The following CAMK1D variants were observed in gnomAD, a reference collection of about 807,000 sequenced individuals.
CAMK1D encodes calcium/calmodulin-dependent protein kinase type 1D.
CAMK1D carries 9 observed loss-of-function variants against 47.7 expected under a neutral mutation model. The ratio of observed to expected loss-of-function variants is 0.19; its 90% CI spans 0.11 to 0.33. The LOEUF (loss-of-function observed/expected upper bound fraction) is 0.33. Ranked by LOEUF, CAMK1D falls within the 10% of genes least tolerant of loss-of-function variation. The pLI is 1.00. For synonymous variants in CAMK1D, 184 were observed against 184.9 expected (o/e 0.99, Z 0.04); for missense variants, 291 against 488.7 (o/e 0.60, Z 3.81).
At chr10:12,400,091 G>A (rs1291519147) in intron 1 of CAMK1D, among the ~76,000 whole-genome samples, 1 of 152,168 alleles carries the variant, frequency 6.6e-6, no homozygotes, top group Non-Finnish European at 1.5e-5. Flanking sequence ...ATGATGTGAC[G>A]CGATGGGATG....
intron 1 of CAMK1D, among the ~76,000 whole-genome samples, chr10:12,356,191 G>A (rs1047533164): frequency 1.3e-5 from 2 of 151,984 alleles, no homozygotes; most frequent in Non-Finnish European, 2.9e-5. Flanking sequence ...GATTACAGGC[G>A]TGAGCCACCT....
intron 1 of CAMK1D, among the ~76,000 whole-genome samples, chr10:12,358,822 CTG>C (rs1291928507): frequency 6.6e-6 from 1 of 152,116 alleles, no homozygotes; most frequent in African/African-American, 2.4e-5. Context: ...TATACAGTAA[CTG>C]TCATCAAGCT....
At position 12,410,966 on chromosome 10, in the gene CAMK1D, C is replaced by T. The variant is rs1839636024; in HGVS notation, c.92+61056C>T. On this transcript the variant is annotated intron_variant, in intron 1 of 10. Coordinates refer to ENST00000619168, the MANE Select transcript of CAMK1D (RefSeq NM_153498.4). ...GGACTTGTTGGGGTGGTCGTGTGTA[C>T]CAGTGATGTTTCTAGAGAGTGCATG... 3.3e-5 allele frequency among the ~76,000 whole-genome samples: 5 copies of T among 152,112 alleles called. No homozygotes were observed. In the South Asian group the frequency reaches 1.0e-3, roughly 32 times the overall value.
At position 12,791,234 on chromosome 10, in the gene CAMK1D, G is replaced by A; in HGVS notation, c.641+1G>A. 1 of 1,613,956 alleles carries A rather than the reference G, an allele frequency of 6.2e-7. No homozygotes were observed. Among genetic ancestry groups the A allele is most frequent in the Non-Finnish European group, 8.5e-7 (1 of 1,179,846 alleles). On this transcript the variant is annotated splice_donor_variant, in intron 6 of 10. Coordinates refer to ENST00000619168, the MANE Select transcript of CAMK1D (RefSeq NM_153498.4). LOFTEE classifies it high-confidence loss of function. ...CCATCGGAGTGATTGCCTACATCTT[G>A]TAAGTACTGCCTGCTGCCTTGGGTT... is the stretch of plus-strand genomic sequence containing the variant.
rs1262404782 is a variant in CAMK1D at position 12,520,070 on chromosome 10, AC to A, written c.93-33146del. On this transcript the variant is annotated intron_variant, in intron 1 of 10. Coordinates refer to ENST00000619168, the MANE Select transcript of CAMK1D (RefSeq NM_153498.4). Reference sequence around the variant, plus strand: ...GGGCGGCTGGCCGGGTGGGGGGCTGACCCCCCCCCACCTCCCTCCCGGACGG... The same window carrying A: ...GGGCGGCTGGCCGGGTGGGGGGCTGACCCCCCCCACCTCCCTCCCGGACGG... Among the ~76,000 whole-genome samples the A allele has an allele frequency of 8.1e-4, 33 of 40,676 alleles. 5 individuals are homozygous for A. Among genetic ancestry groups the A allele is most frequent in the East Asian group, 4.6e-3 (7 of 1,530 alleles). The allele number at this position is 40,676 out of a possible 152,430, so 26.7% of individuals were successfully genotyped here. A position where few individuals can be genotyped will look rare whatever the true frequency, so the allele number is the denominator to read the frequency against.
intron 2 of CAMK1D, among the ~76,000 whole-genome samples, chr10:12,611,231 C>A (rs1838609719): frequency 6.6e-6 from 1 of 152,058 alleles, no homozygotes; most frequent in South Asian, 2.1e-4. Flanking sequence ...ACCTGGGGAC[C>A]CCATCAAAGT....
At position 12,408,850 on chromosome 10, in the gene CAMK1D, T is replaced by TTC. The variant is rs1297329004; in HGVS notation, c.92+58941_92+58942insCT. Among the ~76,000 whole-genome samples the TTC allele has an allele frequency of 4.3e-5, 4 of 92,358 alleles. No homozygotes were observed. The Admixed American group carries it at 5.4e-4, about 12-fold the overall frequency. 60.6% of individuals were successfully genotyped at this position (92,358 alleles called of 152,430 possible). A position where few individuals can be genotyped will look rare whatever the true frequency, so the allele number is the denominator to read the frequency against. ...TTCGTTCATTTCTTTCTTTCTTTCTTTTTTTTTTTTTTTTTTGTTCTGAGT... is the reference window on the plus strand; with the variant it reads ...TTCGTTCATTTCTTTCTTTCTTTCTTTCTTTTTTTTTTTTTTTTGTTCTGAGT... On this transcript the variant is annotated intron_variant, in intron 1 of 10. Coordinates refer to ENST00000619168, the MANE Select transcript of CAMK1D (RefSeq NM_153498.4).
intron 1 of CAMK1D, among the ~76,000 whole-genome samples, chr10:12,361,786 C>A (rs1016825399): frequency 2.0e-5 from 3 of 151,648 alleles, no homozygotes; most frequent in Admixed American, 6.6e-5. Context: ...GATCTCCTGA[C>A]CTCAAATGAC....
At chr10:12,691,349 CTATATATATATATATATA>C (rs1202030191) in intron 3 of CAMK1D, among the ~76,000 whole-genome samples, 1 of 74,522 alleles carries the variant, frequency 1.3e-5, no homozygotes, top group Non-Finnish European at 2.3e-5. Context: ...CTGAAGTTTT[CTATATATATATATATATA>C]TATATATATA....
chr10:12,696,302 C>G (rs541959899), intron 3 of CAMK1D, among the ~76,000 whole-genome samples: 1 of 151,854 alleles, frequency 6.6e-6, no homozygotes, highest in Non-Finnish European at 1.5e-5. Flanking sequence ...TTTGAGAGGC[C>G]GAGGTGGGAG....
At chr10:12,820,846 C>T (rs1035122561) in intron 8 of CAMK1D, among the ~76,000 whole-genome samples, 1 of 152,202 alleles carries the variant, frequency 6.6e-6, no homozygotes, top group South Asian at 2.1e-4. Flanking sequence ...CAACAGGCTG[C>T]CGACTGATGG....
At chr10:12,825,954 A>G (rs957945905) in intron 10 of CAMK1D, 3 of 493,524 alleles carry the variant, frequency 6.1e-6, no homozygotes, top group African/African-American at 3.9e-5. Flanking sequence ...CCTGACCAAC[A>G]TGGTGAAACC....
intron 3 of CAMK1D, chr10:12,725,466 T>C (rs1436138632): frequency 6.5e-6 from 1 of 154,668 alleles, no homozygotes; most frequent in Non-Finnish European, 1.5e-5. Flanking sequence ...GAGAGTAAAG[T>C]GCATTGTCAG....
At chr10:12,563,690 A>AGAGAGAGAGAGAGAGG (rs1564414460) in intron 2 of CAMK1D, among the ~76,000 whole-genome samples, 4 of 72,234 alleles carry the variant, frequency 5.5e-5, no homozygotes, top group East Asian at 4.2e-4. Context: ...AGAGAGAGAG[A>AGAGAGAGAGAGAGAGG]GAGAGAGAGG....
intron 3 of CAMK1D, among the ~76,000 whole-genome samples, chr10:12,695,063 G>GATAGATAC (rs984670824): frequency 6.7e-5 from 9 of 134,434 alleles, no homozygotes; most frequent in African/African-American, 1.8e-4. Flanking sequence ...TAGATAGATA[G>GATAGATAC]ATACATAGGT....
chr10:12,791,116 A>T lies in CAMK1D; in HGVS notation c.566-42A>T, dbSNP rs779328355. 4.5e-5 allele frequency: 71 copies of T among 1,590,430 alleles called. 2 individuals carry two copies. In the Middle Eastern group the frequency reaches 1.2e-3, roughly 26 times the overall value. ...CCAAAAACTGTCTTCAGTCCGAGGC[A>T]TGTAAATTGTCAGGCTGTGTCTTTT... On this transcript the variant is annotated intron_variant, in intron 5 of 10. Coordinates refer to ENST00000619168, the MANE Select transcript of CAMK1D (RefSeq NM_153498.4).
At chr10:12,569,722 CAAAAAAAAA>C (rs56335336) in intron 2 of CAMK1D, among the ~76,000 whole-genome samples, 2 of 71,472 alleles carry the variant, frequency 2.8e-5, no homozygotes, top group Admixed American at 1.8e-4. Flanking sequence ...GACTCCGTCT[CAAAAAAAAA>C]AAAAAAAAAA....
chr10:12,414,157 T>C (rs577572382), intron 1 of CAMK1D, among the ~76,000 whole-genome samples: 2 of 152,332 alleles, frequency 1.3e-5, no homozygotes, highest in Admixed American at 1.3e-4. Context: ...TTTAGTTCTT[T>C]AATTTGAAAT....
chr10:12,608,927 A>AATAG (rs1233151392), intron 2 of CAMK1D, among the ~76,000 whole-genome samples: 12 of 152,358 alleles, frequency 7.9e-5, no homozygotes, highest in Non-Finnish European at 1.6e-4. Flanking sequence ...GTGCAGGAGT[A>AATAG]AATAGAATAA....
Sources: allele counts gnomAD v4.1 joint callset (sites outside exome capture counted in the v4.1 genomes callset), GRCh38; gene constraint gnomAD v4.1.1; transcripts MANE v1.5; gene names NCBI Gene and HGNC (gene_info 2026-07-23, HGNC 2026-07-21).